Variants in SLC6A11 observed in about 807,000 individuals in gnomAD.
The protein encoded by SLC6A11 is sodium- and chloride-dependent GABA transporter 3.
A neutral mutation model predicts 74.8 loss-of-function variants in SLC6A11; 25 were observed. The ratio of observed to expected loss-of-function variants is 0.33; its 90% CI spans 0.24 to 0.47. The LOEUF is 0.47. SLC6A11 is among the 20% of genes least tolerant of loss of function. The pLI, the probability that SLC6A11 is intolerant of heterozygous loss-of-function variation, is 1.00. For synonymous variants in SLC6A11, 330 were observed against 330.2 expected, an observed-to-expected ratio of 1.00 and a Z score of 0.01; for missense variants, 574 against 837.0, an observed-to-expected ratio of 0.69 and a Z score of 3.88.
chr3:10,817,254 T>C (rs9859040), intron 1 of SLC6A11, among the ~76,000 whole-genome samples: 5,001 of 152,240 alleles, frequency 0.033, 278 homozygotes, highest in African/African-American at 0.11. Context: ...TTTACGGGTC[T>C]GAGAGTCACC....
At chr3:10,872,055 T>G (rs2106601916) in intron 5 of SLC6A11, among the ~76,000 whole-genome samples, 1 of 152,336 alleles carries the variant, frequency 6.6e-6, no homozygotes, top group Admixed American at 6.5e-5. Flanking sequence ...ACTTGACTCT[T>G]CTGAAAATCT....
At chr3:10,820,299 T>C (rs1286998350) in intron 3 of SLC6A11, among the ~76,000 whole-genome samples, 1 of 152,194 alleles carries the variant, frequency 6.6e-6, no homozygotes, top group Non-Finnish European at 1.5e-5. Flanking sequence ...TTTAGATCAG[T>C]GAATGGCAGA....
At chr3:10,917,968 C>T (rs1173989335) in intron 7 of SLC6A11, among the ~76,000 whole-genome samples, 2 of 152,218 alleles carry the variant, frequency 1.3e-5, no homozygotes, top group Non-Finnish European at 2.9e-5. Flanking sequence ...TTTGAGCTCC[C>T]AGGAATACTT....
chr3:10,933,059 G>GGGTGGGACAC, intron 10 of SLC6A11, 92 bp from the exon 11 acceptor site: 1 of 855,428 alleles, frequency 1.2e-6, no homozygotes. Context: ...CCACAGAGCA[G>GGGTGGGACAC]AGAGAGGGAC....
Position 10,819,533 on chromosome 3 carries a change from G to T in SLC6A11, c.325G>T (p.Ala109Ser). 6.2e-7 allele frequency: 1 copy of T among 1,614,144 alleles called. No individual in the cohort carries two copies. The highest frequency in any genetic ancestry group is 8.5e-7 in the Non-Finnish European group (1 of 1,180,002). The change falls in exon 2 of 14, where the codon GCT (alanine) becomes TCT (serine). Residue 109 changes from alanine to serine, a missense_variant. Ala to Ser is a moderately conservative substitution (Grantham distance 99). This residue lies in a region of SLC6A11 where 215 missense variants were observed against 357.9 expected (regional missense o/e 0.60). Coordinates refer to ENST00000254488, the MANE Select transcript of SLC6A11 (RefSeq NM_014229.3). ...CGIPVFFLET[A>S]LGQFTSEGGI... ...AATTCCTGTTTTTTTCCTGGAGACA[G>T]CTCTGGGGCAGTTCACAAGTGAAGG...
At chr3:10,840,022 C>A (rs1218747433) in intron 4 of SLC6A11, among the ~76,000 whole-genome samples, 3 of 152,126 alleles carry the variant, frequency 2.0e-5, no homozygotes, top group African/African-American at 7.2e-5. Context: ...CTCCTCTGCC[C>A]CACCCTGACC....
At chr3:10,850,997 C>T (rs1694567977) in intron 5 of SLC6A11, among the ~76,000 whole-genome samples, 1 of 152,156 alleles carries the variant, frequency 6.6e-6, no homozygotes, top group Non-Finnish European at 1.5e-5. Context: ...ACCTTGCTGT[C>T]CTTTGCCTTT....
chr3:10,909,534 G>A (rs1276587362), intron 6 of SLC6A11, among the ~76,000 whole-genome samples: 1 of 152,176 alleles, frequency 6.6e-6, no homozygotes, highest in Non-Finnish European at 1.5e-5. Context: ...TCAGGATTGG[G>A]GAGCCAGCTC....
chr3:10,915,473 C>G lies in SLC6A11; in HGVS notation c.996-2856C>G, dbSNP rs1229613558. 6.6e-6 allele frequency among the ~76,000 whole-genome samples: 1 copy of G among 152,222 alleles called. No homozygotes were observed. Among genetic ancestry groups the G allele is most frequent in the Non-Finnish European group, 1.5e-5 (1 of 68,048 alleles). Reference sequence around the variant, plus strand: ...CTCCAGTGGAGTAAATTAGTACCCTCTCTCCTGACAGCATAATAGCTTCTG... The same window carrying G: ...CTCCAGTGGAGTAAATTAGTACCCTGTCTCCTGACAGCATAATAGCTTCTG... On this transcript the variant is annotated intron_variant, in intron 7 of 13. Transcript: ENST00000254488. This position sits in a 1 kb window ranked among gnomAD's most constrained non-coding sequence, Gnocchi z 4.3.
At chr3:10,913,795 G>A (rs753388119) in intron 7 of SLC6A11, among the ~76,000 whole-genome samples, 18 of 152,244 alleles carry the variant, frequency 1.2e-4, no homozygotes, top group Non-Finnish European at 1.6e-4. Context: ...CCAGGTTCAC[G>A]CCATTCTCCT....
intron 5 of SLC6A11, among the ~76,000 whole-genome samples, chr3:10,872,104 C>T (rs965583048): frequency 6.6e-6 from 1 of 152,144 alleles, no homozygotes; most frequent in African/African-American, 2.4e-5. Flanking sequence ...GTCTGCATGG[C>T]TGTCGTGAGG....
intron 6 of SLC6A11, among the ~76,000 whole-genome samples, chr3:10,887,105 A>C (rs1448644459): frequency 5.3e-5 from 8 of 152,178 alleles, no homozygotes; most frequent in African/African-American, 1.9e-4. Context: ...GGATGGATGG[A>C]TGGATGGATG....
At position 10,863,229 on chromosome 3, in the gene SLC6A11, A is replaced by C. The variant is rs1694724035; in HGVS notation, c.757-11732A>C. Among the ~76,000 whole-genome samples the C allele has an allele frequency of 2.0e-5, 3 of 152,230 alleles. No homozygotes were observed. The South Asian group carries it at 6.2e-4, about 31-fold the overall frequency. On this transcript the variant is annotated intron_variant, in intron 5 of 13. Coordinates refer to ENST00000254488, the MANE Select transcript of SLC6A11 (RefSeq NM_014229.3). ...AACAGCTGACTGTATTACAAGGCAG[A>C]ATGAAATAAGGGCTAAGTAGAAGGA...
intron 6 of SLC6A11, among the ~76,000 whole-genome samples, chr3:10,884,941 G>C (rs941108427): frequency 6.6e-6 from 1 of 152,166 alleles, no homozygotes; most frequent in African/African-American, 2.4e-5. Context: ...CACTTTGAGA[G>C]TATCTACCAA....
chr3:10,834,106 T>G (rs1285698551), intron 4 of SLC6A11, among the ~76,000 whole-genome samples: 1 of 152,184 alleles, frequency 6.6e-6, no homozygotes, highest in African/African-American at 2.4e-5. Flanking sequence ...AGTTCTCATC[T>G]CACACGGGGG....
At chr3:10,865,547 C>G (rs1460616065) in intron 5 of SLC6A11, among the ~76,000 whole-genome samples, 1 of 152,188 alleles carries the variant, frequency 6.6e-6, no homozygotes, top group African/African-American at 2.4e-5. Context: ...CCTGTAGTCC[C>G]AGCTACTTGG....
intron 4 of SLC6A11, among the ~76,000 whole-genome samples, chr3:10,842,317 G>A (rs952020324): frequency 6.6e-6 from 1 of 152,172 alleles, no homozygotes; most frequent in Non-Finnish European, 1.5e-5. Flanking sequence ...GCCTTACTGT[G>A]TATGAGAACT....
At chr3:10,892,889 G>A (rs140835940) in intron 6 of SLC6A11, among the ~76,000 whole-genome samples, 6 of 152,254 alleles carry the variant, frequency 3.9e-5, no homozygotes, top group Admixed American at 2.6e-4. Flanking sequence ...TGGGGGAAAC[G>A]GGTTGGGTGA....
At chr3:10,864,292 C>G (rs1370877835) in intron 5 of SLC6A11, among the ~76,000 whole-genome samples, 1 of 151,464 alleles carries the variant, frequency 6.6e-6, no homozygotes, top group Non-Finnish European at 1.5e-5. Context: ...CTTACCCCAG[C>G]CCCGATGATG....
Sources: gnomAD v4.1 joint callset for allele counts (sites outside exome capture counted in the v4.1 genomes callset) on GRCh38, gnomAD v4.1.1 for gene constraint, gnomAD v4.1.1 regional missense constraint, Gnocchi (gnomAD v3.1) non-coding constraint, MANE v1.5 for transcripts, NCBI Gene and HGNC (gene_info 2026-07-23, HGNC 2026-07-21) for gene names.